The following TSNARE1 variants were observed in gnomAD, a reference collection of about 807,000 sequenced individuals.
The protein encoded by TSNARE1 is t-SNARE domain containing 1.
A neutral mutation model predicts 62.0 loss-of-function variants in TSNARE1; 49 were observed. That is an observed-to-expected ratio of 0.79 (90% CI 0.63 to 1.00). The LOEUF is 1.00. Among genes scored for constraint, TSNARE1 ranks in the 50% least tolerant of loss-of-function variants. The pLI is 0.00. For missense variants in TSNARE1, 755 were observed against 700.1 expected (o/e 1.08, Z -0.88); for synonymous variants, 328 against 294.4 (o/e 1.11, Z -1.17).
In TSNARE1 at chr8:142,305,928, G is replaced by A. The variant is rs530294377; in HGVS notation, c.1132-5284C>T. Among the ~76,000 whole-genome samples the A allele has an allele frequency of 1.2e-4, 19 of 152,336 alleles. No individual in the cohort carries two copies. In the South Asian group the frequency reaches 2.1e-3, roughly 17 times the overall value. On this transcript the variant is annotated intron_variant, in intron 9 of 13. Coordinates refer to ENST00000524325, the MANE Select transcript of TSNARE1 (RefSeq NM_145003.5). ...ACGGTTTCCCGTGGGAAGAGACTCC[G>A]CTCTGCCAGGCATTCAGAAAGCAGG...
intron 11 of TSNARE1, among the ~76,000 whole-genome samples, chr8:142,279,218 T>C (rs1474898314): frequency 6.6e-6 from 1 of 152,190 alleles, no homozygotes; most frequent in Admixed American, 6.5e-5. Context: ...CCTGGCTGCC[T>C]AAGGACAGCC....
chr8:142,244,095 A>T (rs1232619202), intron 12 of TSNARE1, among the ~76,000 whole-genome samples: 3 of 152,224 alleles, frequency 2.0e-5, no homozygotes, highest in Non-Finnish European at 4.4e-5. Context: ...CTGAGGCAGG[A>T]GAATGGTGTG....
rs1295160157 is a variant in TSNARE1, at chr8:142,344,356, T to C, written c.355A>G (p.Thr119Ala). ...PHGRMAGPSTTRAKKRKPNFC... is the reference protein window; with the variant it reads ...PHGRMAGPSTARAKKRKPNFC... ...TTGGGCTTCCTCTTCTTGGCCCGGG[T>C]AGTGCTGGGCCCCGCCATCCGGCCA... The change falls in exon 4 of 14, where the codon ACC becomes GCC. Residue 119 changes from threonine (T) to alanine (A), a missense_variant. Physicochemically the swap from Thr to Ala is moderately conservative, Grantham distance 58. Coordinates refer to ENST00000524325, the MANE Select transcript of TSNARE1 (RefSeq NM_145003.5). 2.5e-6 allele frequency: 4 copies of C among 1,575,368 alleles called. No homozygotes were observed. The East Asian group carries it at 9.1e-5, about 36-fold the overall frequency.
chr8:142,277,444 C>A (rs1037538643), intron 11 of TSNARE1: 5 of 985,336 alleles, frequency 5.1e-6, no homozygotes, highest in Non-Finnish European at 4.8e-6. Flanking sequence ...CCGTGACCAG[C>A]CCTGCAGGCC....
chr8:142,315,667 C>T (rs1296746770), intron 7 of TSNARE1, among the ~76,000 whole-genome samples: 2 of 152,226 alleles, frequency 1.3e-5, no homozygotes, highest in Non-Finnish European at 2.9e-5. Context: ...GCTGGACACG[C>T]AGCCCTGGGG....
intron 9 of TSNARE1, among the ~76,000 whole-genome samples, chr8:142,311,496 C>T (rs1015586638): frequency 6.6e-6 from 1 of 151,708 alleles, no homozygotes; most frequent in Non-Finnish European, 1.5e-5. Context: ...AGGGTTTCTC[C>T]ATGTTGGTCA....
chr8:142,265,027 T>C lies in TSNARE1; in HGVS notation c.1446+9754A>G, dbSNP rs1819062689. ...CTATTCAACATAGGTTTTTGTTTAA[T>C]TGTATTCTTATTCCATTTTTACTGA... On this transcript the variant is annotated intron_variant, in intron 12 of 13. Transcript: ENST00000524325. 2.0e-5 allele frequency among the ~76,000 whole-genome samples: 3 copies of C among 152,228 alleles called. No homozygotes were observed. In the South Asian group the frequency reaches 6.2e-4, roughly 31 times the overall value.
At chr8:142,289,777 C>G (rs1343413954) in intron 10 of TSNARE1, among the ~76,000 whole-genome samples, 5 of 152,238 alleles carry the variant, frequency 3.3e-5, no homozygotes, top group Non-Finnish European at 7.3e-5. Context: ...ACTGGGGATT[C>G]TCCTTCGTCC....
At chr8:142,232,794 T>TGGCAGA (rs553418113) in intron 12 of TSNARE1, among the ~76,000 whole-genome samples, 1 of 152,188 alleles carries the variant, frequency 6.6e-6, no homozygotes, top group Admixed American at 6.5e-5. Context: ...CTGAGACAGT[T>TGGCAGA]GGCAGAGGCA....
chr8:142,275,805 G>A (rs1004125222), intron 11 of TSNARE1: 2 of 985,030 alleles, frequency 2.0e-6, no homozygotes, highest in Middle Eastern at 5.2e-4. Context: ...TTAAGGCCTG[G>A]GATAGAGAGG....
chr8:142,236,578 G>A (rs1434966811), intron 12 of TSNARE1, among the ~76,000 whole-genome samples: 1 of 149,390 alleles, frequency 6.7e-6, no homozygotes, highest in Non-Finnish European at 1.5e-5. Context: ...TCCTTACACT[G>A]GAGGCTGAAT....
intron 1 of TSNARE1, among the ~76,000 whole-genome samples, chr8:142,365,491 G>C (rs1271757535): frequency 6.6e-6 from 1 of 152,128 alleles, no homozygotes; most frequent in Non-Finnish European, 1.5e-5. Flanking sequence ...TCCTGATCTT[G>C]ATCACTGTGG....
intron 10 of TSNARE1, among the ~76,000 whole-genome samples, chr8:142,287,757 A>G (rs372915281): frequency 9.2e-3 from 482 of 52,174 alleles, no homozygotes; most frequent in Admixed American, 0.015. Flanking sequence ...CCAGGTCGTG[A>G]AACCCAGGAC....
intron 13 of TSNARE1, among the ~76,000 whole-genome samples, chr8:142,217,161 T>A (rs180766594): frequency 1.6e-3 from 246 of 151,902 alleles, no homozygotes; most frequent in Admixed American, 6.3e-3. Context: ...GAGAATCACT[T>A]GAACCCTGGG....
At position 142,325,158 on chromosome 8, in the gene TSNARE1, G is replaced by A. The variant is rs555130175; in HGVS notation, c.893+5743C>T. Reference sequence around the variant, plus strand: ...TGGGCCGGCAAGGCCTGGACTGAGCGGGCCTGGAAGTGAGGCCGGCAGAGG... The same window carrying A: ...TGGGCCGGCAAGGCCTGGACTGAGCAGGCCTGGAAGTGAGGCCGGCAGAGG... On this transcript the variant is annotated intron_variant, in intron 6 of 13. Transcript: ENST00000524325. Among the ~76,000 whole-genome samples, 261 of 152,346 alleles carry A rather than the reference G, an allele frequency of 1.7e-3. 2 individuals are homozygous for A. Among genetic ancestry groups the A allele is most frequent in the African/African-American group, 6.0e-3 (249 of 41,570 alleles).
intron 10 of TSNARE1, among the ~76,000 whole-genome samples, chr8:142,288,989 T>C (rs1563836936): frequency 1.3e-5 from 2 of 152,168 alleles, no homozygotes; most frequent in African/African-American, 2.4e-5. Context: ...TCCCACTCCC[T>C]GACCTCTTTC....
At chr8:142,257,066 G>C (rs185739102) in intron 12 of TSNARE1, among the ~76,000 whole-genome samples, 2 of 152,152 alleles carry the variant, frequency 1.3e-5, no homozygotes, top group Non-Finnish European at 2.9e-5. Context: ...ACCTTCCCAC[G>C]CACACATACC....
chr8:142,355,509 G>A (rs1563978737), intron 1 of TSNARE1, among the ~76,000 whole-genome samples: 4 of 152,184 alleles, frequency 2.6e-5, no homozygotes, highest in Non-Finnish European at 4.4e-5. Context: ...TGGGCATCCC[G>A]CCCAAACCTC....
At chr8:142,345,716 C>G (rs779201237) in intron 3 of TSNARE1, 27 bp downstream of exon 3, 1 of 1,555,408 alleles carries the variant, frequency 6.4e-7, no homozygotes, top group South Asian at 1.2e-5. Flanking sequence ...CCCAGGACCC[C>G]TGAGACCCAG....
Sources: allele counts gnomAD v4.1 joint callset (sites outside exome capture counted in the v4.1 genomes callset), GRCh38; gene constraint gnomAD v4.1.1; transcripts MANE v1.5; gene names NCBI Gene and HGNC (gene_info 2026-07-23, HGNC 2026-07-21).